Variants in CENPO observed in about 807,000 individuals in gnomAD.
The protein encoded by CENPO is centromeric protein O.
Under a neutral mutation model 36.1 loss-of-function variants are expected in CENPO, and 30 were observed. The observed-to-expected ratio is 0.83, with a 90% CI of 0.62 to 1.13. The LOEUF (loss-of-function observed/expected upper bound fraction) is 1.13. Among genes scored for constraint, CENPO ranks in the 50% most tolerant of loss-of-function variants. CENPO has a pLI of 0.00. For synonymous variants in CENPO, 171 were observed against 142.3 expected, an observed-to-expected ratio of 1.20 and a Z score of -1.44; for missense variants, 349 against 357.8, an observed-to-expected ratio of 0.98 and a Z score of 0.20.
At position 24,813,244 on chromosome 2, in the gene CENPO, G is replaced by GA. The variant is rs200702556; in HGVS notation, c.217-1126dup. ...CTGGGTAACAGCAAAACTCTGTCTG[G>GA]AAAAAAGAAAGAAAGAAGGAAAAAT... is the stretch of plus-strand genomic sequence containing the variant. On this transcript the variant is annotated intron_variant, in intron 3 of 7. Transcript: ENST00000380834. 4.3e-4 allele frequency among the ~76,000 whole-genome samples: 66 copies of GA among 152,052 alleles called. No individual in the cohort carries two copies. In the East Asian group the frequency reaches 0.012, roughly 28 times the overall value.
In CENPO at chr2:24,803,543, G is replaced by A. The variant is rs562797376; in HGVS notation, c.216+3699G>A. 2.0e-5 allele frequency among the ~76,000 whole-genome samples: 3 copies of A among 151,994 alleles called. No homozygotes were observed. The South Asian group carries it at 6.3e-4, about 32-fold the overall frequency. ...GGTATGTTGTGTCTTTGTTCTCGTT[G>A]GTTTCAAAGAACATCTTTATTTCTG... On this transcript the variant is annotated intron_variant, in intron 3 of 7. Transcript: ENST00000380834.
chr2:24,814,424 A>C lies in CENPO; in HGVS notation c.265A>C (p.Asn89His). 1 of 1,607,062 alleles carries C rather than the reference A, an allele frequency of 6.2e-7. No individual in the cohort carries two copies. Among genetic ancestry groups the C allele is most frequent in the Non-Finnish European group, 8.5e-7 (1 of 1,173,538 alleles). Reference protein sequence around the residue: ...NVEPNQTVEINEQEALEEKLE... With the variant: ...NVEPNQTVEIHEQEALEEKLE... ...AGAACCCAACCAAACAGTGGAGATC[A>C]ATGAGCAAGAAGCATTGGAAGAGAA... The change falls in exon 4 of 8, where the codon AAT (asparagine) becomes CAT (histidine). Residue 89 changes from asparagine (N) to histidine (H), a missense_variant. Physicochemically the swap from Asn to His is moderately conservative, Grantham distance 68. Coordinates refer to ENST00000380834, the MANE Select transcript of CENPO (RefSeq NM_001322101.2).
At chr2:24,816,323 A>T (rs1558381839) in intron 5 of CENPO, 3 of 243,354 alleles carry the variant, frequency 1.2e-5, no homozygotes, top group Non-Finnish European at 1.6e-5. Context: ...TCAGCTGTAG[A>T]TTTAACTTAA....
intron 6 of CENPO, among the ~76,000 whole-genome samples, chr2:24,817,260 TGAGAGA>T (rs776806411): frequency 6.6e-6 from 1 of 152,152 alleles, no homozygotes; most frequent in African/African-American, 2.4e-5. Flanking sequence ...CCAGACTGGC[TGAGAGA>T]GAGATTTTTT....
In CENPO at chr2:24,821,545, C is replaced by G. The variant is rs1248754062; in HGVS notation, c.*2227C>G. On this transcript the variant is annotated 3_prime_UTR_variant, in exon 8 of 8. Coordinates refer to ENST00000380834, the MANE Select transcript of CENPO (RefSeq NM_001322101.2). ...TGCGCAGCATGAAGTTATTGAAGGA[C>G]TGGTTGTTGATGTTGGTGAGCGTAT... 1 of 1,614,174 alleles carries G rather than the reference C, an allele frequency of 6.2e-7. No individual in the cohort carries two copies. Among genetic ancestry groups the G allele is most frequent in the Non-Finnish European group, 8.5e-7 (1 of 1,180,032 alleles).
intron 3 of CENPO, among the ~76,000 whole-genome samples, chr2:24,803,109 T>C (rs1324935794): frequency 2.0e-5 from 3 of 152,058 alleles, no homozygotes; most frequent in African/African-American, 7.3e-5. Flanking sequence ...TTCTAGTTTA[T>C]TTGCGTAGAG....
chr2:24,803,943 A>G (rs887150111), intron 3 of CENPO, among the ~76,000 whole-genome samples: 6 of 152,164 alleles, frequency 3.9e-5, no homozygotes, highest in Admixed American at 3.9e-4. Context: ...AAAGTCTCCC[A>G]TTATTACTGT....
At chr2:24,813,194 C>T (rs906654785) in intron 3 of CENPO, among the ~76,000 whole-genome samples, 5 of 151,956 alleles carry the variant, frequency 3.3e-5, no homozygotes, top group South Asian at 2.1e-4. Context: ...TGCAGTGAGC[C>T]GAGATTGTGC....
At position 24,818,698 on chromosome 2, in the gene CENPO, G is replaced by T. The variant is rs143906869; in HGVS notation, c.*36-656G>T. Among the ~76,000 whole-genome samples the T allele has an allele frequency of 2.6e-5, 4 of 152,282 alleles. No individual in the cohort carries two copies. The East Asian group carries it at 7.7e-4, about 29-fold the overall frequency. Reference sequence around the variant, plus strand: ...CTCAGGGGGACTCAGGCGCCCCCCGGGTCTTCCCTCTCCTGCAGGCTCTCC... The same window carrying T: ...CTCAGGGGGACTCAGGCGCCCCCCGTGTCTTCCCTCTCCTGCAGGCTCTCC... On this transcript the variant is annotated intron_variant, in intron 7 of 7. Transcript: ENST00000380834.
At chr2:24,804,230 A>G (rs1666280192) in intron 3 of CENPO, among the ~76,000 whole-genome samples, 1 of 152,038 alleles carries the variant, frequency 6.6e-6, no homozygotes, top group African/African-American at 2.4e-5. Context: ...GTGTCTCTGC[A>G]CATGAGATGG....
chr2:24,802,617 T>A (rs1666209829), intron 3 of CENPO, among the ~76,000 whole-genome samples: 1 of 152,232 alleles, frequency 6.6e-6, no homozygotes, highest in Non-Finnish European at 1.5e-5. Flanking sequence ...TCTGTTTATA[T>A]GCTGGATTAC....
At position 24,821,506 on chromosome 2, in the gene CENPO, G is replaced by A; in HGVS notation, c.*2188G>A. The A allele has an allele frequency of 4.3e-6, 7 of 1,613,590 alleles. No individual in the cohort carries two copies. Among genetic ancestry groups the A allele is most frequent in the Non-Finnish European group, 5.9e-6 (7 of 1,179,754 alleles). ...AGCCTGCTGCGGGGCAGGCCAGCTG[G>A]GGGTGCTCACCTATGCGCAGCATGA... On this transcript the variant is annotated 3_prime_UTR_variant, in exon 8 of 8. Coordinates refer to ENST00000380834, the MANE Select transcript of CENPO (RefSeq NM_001322101.2).
intron 3 of CENPO, among the ~76,000 whole-genome samples, chr2:24,801,751 C>T (rs1666174908): frequency 6.6e-6 from 1 of 152,170 alleles, no homozygotes; most frequent in Admixed American, 6.5e-5. Flanking sequence ...AGTTTGAAGT[C>T]AGGTAGGGTG....
At chr2:24,816,143 A>G in intron 5 of CENPO, 1 of 218,220 alleles carries the variant, frequency 4.6e-6, no homozygotes, top group Non-Finnish European at 9.1e-6. Context: ...CTGCAGTGCC[A>G]TGGAACAATG....
rs545739364 is a variant in CENPO, at chr2:24,820,428, G to A, written c.*1110G>A. On this transcript the variant is annotated 3_prime_UTR_variant, in exon 8 of 8. Coordinates refer to ENST00000380834, the MANE Select transcript of CENPO (RefSeq NM_001322101.2). Reference sequence around the variant, plus strand: ...GCTCTTCTGTCCCTTTGCCCCTTTCGTGGAGCTTTTCTGCCAGACGCCACT... The same window carrying A: ...GCTCTTCTGTCCCTTTGCCCCTTTCATGGAGCTTTTCTGCCAGACGCCACT... 2.3e-5 allele frequency: 30 copies of A among 1,315,850 alleles called. No homozygotes were observed. Among genetic ancestry groups the A allele is most frequent in the African/African-American group, 2.3e-4 (15 of 66,378 alleles). The allele number at this position is 1,315,850 out of a possible 1,614,324, so 81.5% of individuals were successfully genotyped here.
At chr2:24,793,746 T>C (rs894070400) in intron 1 of CENPO, 106 bp from the exon 2 acceptor site, 198 of 1,009,290 alleles carry the variant, frequency 2.0e-4, no homozygotes, top group Non-Finnish European at 2.9e-4. Flanking sequence ...CCGTGACATT[T>C]GTGTCATCCG....
intron 5 of CENPO, 32 bp downstream of exon 5, chr2:24,815,788 G>C: frequency 6.2e-7 from 1 of 1,605,304 alleles, no homozygotes; most frequent in Admixed American, 1.7e-5. Flanking sequence ...TGCCTCATCC[G>C]TGGGCCCAAG....
rs549070428 is a variant in CENPO at position 24,821,353 on chromosome 2, C to T, written c.*2035C>T. On this transcript the variant is annotated 3_prime_UTR_variant, in exon 8 of 8. Coordinates refer to ENST00000380834, the MANE Select transcript of CENPO (RefSeq NM_001322101.2). ...GGTTTTTGGTTTAGTCATCTAGAGTCGTCTGGACTAAAGGTCTTTCAGGTC... is the reference window on the plus strand; with the variant it reads ...GGTTTTTGGTTTAGTCATCTAGAGTTGTCTGGACTAAAGGTCTTTCAGGTC... 1.6e-5 allele frequency: 16 copies of T among 1,007,392 alleles called. No individual in the cohort carries two copies. The highest frequency in any genetic ancestry group is 7.3e-5 in the Admixed American group (3 of 41,304). The allele number at this position is 1,007,392 out of a possible 1,614,324, so 62.4% of individuals were successfully genotyped here. A position where few individuals can be genotyped will look rare whatever the true frequency, so the allele number is the denominator to read the frequency against.
In CENPO at chr2:24,819,902, C is replaced by A. The variant is rs557677251; in HGVS notation, c.*584C>A. Reference sequence around the variant, plus strand: ...GTTTCAAAAAATAAATTCTCCCTTCCGGTTTGGACTGTTGCAGGCTCGAGG... The same window carrying A: ...GTTTCAAAAAATAAATTCTCCCTTCAGGTTTGGACTGTTGCAGGCTCGAGG... On this transcript the variant is annotated 3_prime_UTR_variant, in exon 8 of 8. Transcript: ENST00000380834. 1.9e-6 allele frequency: 3 copies of A among 1,602,066 alleles called. No individual in the cohort carries two copies. The highest frequency in any genetic ancestry group is 3.3e-4 in the Middle Eastern group (2 of 5,984).
Sources: gnomAD v4.1 joint callset for allele counts (sites outside exome capture counted in the v4.1 genomes callset) on GRCh38, gnomAD v4.1.1 for gene constraint, MANE v1.5 for transcripts, NCBI Gene and HGNC (gene_info 2026-07-23, HGNC 2026-07-21) for gene names.